Variants in SPMIP1 observed in about 807,000 individuals in gnomAD.
SPMIP1 encodes the protein protein SPMIP1.
chr7:128,870,540 T>A, the SPMIP1 span: 1 of 152,178 alleles, frequency 6.6e-6, no homozygotes, highest in East Asian at 1.9e-4. Context: ...GACTCAGGGG[T>A]GTCCATCCTT....
At chr7:128,866,738 G>A in the SPMIP1 span, 41 of 1,535,914 alleles carry the variant, frequency 2.7e-5, no homozygotes, top group Non-Finnish European at 3.2e-5. Context: ...TTCCAGGGGC[G>A]GTACCGCTAC....
the SPMIP1 span, chr7:128,871,786 G>A: frequency 2.0e-5 from 3 of 152,172 alleles, no homozygotes; most frequent in East Asian, 5.8e-4. Flanking sequence ...AGACTCCTGG[G>A]CCTTTAGAAA....
At chr7:128,870,970 A>G in the SPMIP1 span, 50,716 of 151,994 alleles carry the variant, frequency 0.33, 11,048 homozygotes, top group African/African-American at 0.61. Context: ...GCACCCCAAA[A>G]CTCCTCCTGG....
the SPMIP1 span, chr7:128,866,606 C>G: frequency 6.5e-7 from 1 of 1,533,512 alleles, no homozygotes; most frequent in Non-Finnish European, 8.7e-7. Flanking sequence ...TCACCCCCAC[C>G]CGCCCCCAAG....
chr7:128,866,428 A>G, the SPMIP1 span: 1 of 1,529,964 alleles, frequency 6.5e-7, no homozygotes, highest in Admixed American at 2.0e-5. Context: ...GCAGCTCAAC[A>G]TAGACGCGTT....
chr7:128,867,983 G>A, the SPMIP1 span, among the ~76,000 whole-genome samples: 2 of 152,206 alleles, frequency 1.3e-5, no homozygotes, highest in African/African-American at 4.8e-5. Flanking sequence ...TTGGCAGGAA[G>A]CCTGTCCATC....
chr7:128,870,888 C>T, the SPMIP1 span: 15,436 of 152,390 alleles, frequency 0.1, 1,417 homozygotes, highest in East Asian at 0.32. Flanking sequence ...CAGCCTCCTC[C>T]CAGGCAGACC....
the SPMIP1 span, chr7:128,868,667 C>T: frequency 1.0e-5 from 16 of 1,529,024 alleles, no homozygotes; most frequent in African/African-American, 4.1e-5. Context: ...TTTTCCCAGG[C>T]CCCCCAGTGA....
chr7:128,871,584 G>A, the SPMIP1 span: 1 of 152,312 alleles, frequency 6.6e-6, no homozygotes, highest in African/African-American at 2.4e-5. Flanking sequence ...AGCTGTGGAG[G>A]AAGGAGAGCT....
chr7:128,868,111 G>C, the SPMIP1 span, among the ~76,000 whole-genome samples: 1 of 152,236 alleles, frequency 6.6e-6, no homozygotes, highest in Non-Finnish European at 1.5e-5. Context: ...CATGTGCCAG[G>C]CAGGGCTGCT....
the SPMIP1 span, chr7:128,866,780 C>T: frequency 5.4e-4 from 829 of 1,536,012 alleles, 6 homozygotes; most frequent in East Asian, 0.014. Flanking sequence ...ATGCCAGAGA[C>T]GCGATACCTC....
the SPMIP1 span, chr7:128,870,534 CAG>C: frequency 3.9e-5 from 6 of 152,292 alleles, no homozygotes; most frequent in Admixed American, 3.3e-4. Flanking sequence ...CTCTCAGACT[CAG>C]GGGTGTCCAT....
chr7:128,867,120 A>G, the SPMIP1 span, among the ~76,000 whole-genome samples: 1 of 152,216 alleles, frequency 6.6e-6, no homozygotes, highest in Non-Finnish European at 1.5e-5. Context: ...GGAGGGTTCT[A>G]AGCAGATTTC....
chr7:128,868,666 G>A, the SPMIP1 span: 1 of 1,531,632 alleles, frequency 6.5e-7, no homozygotes, highest in South Asian at 1.2e-5. Context: ...CTTTTCCCAG[G>A]CCCCCCAGTG....
chr7:128,868,083 G>A, the SPMIP1 span, among the ~76,000 whole-genome samples: 1 of 152,222 alleles, frequency 6.6e-6, no homozygotes, highest in African/African-American at 2.4e-5. Flanking sequence ...GAGATGAAGA[G>A]GAAAGGTGTG....
At chr7:128,868,997 T>C in the SPMIP1 span, 9 of 459,070 alleles carry the variant, frequency 2.0e-5, no homozygotes, top group Non-Finnish European at 2.7e-5. Context: ...CAGAGGGTGC[T>C]GGGAAGGGCG....
chr7:128,871,534 G>GA, the SPMIP1 span: 1 of 152,148 alleles, frequency 6.6e-6, no homozygotes, highest in Non-Finnish European at 1.5e-5. Flanking sequence ...ATTAACAAAA[G>GA]AAATCTAAAA....
chr7:128,871,813 C>T, the SPMIP1 span: 2 of 152,170 alleles, frequency 1.3e-5, no homozygotes, highest in Non-Finnish European at 2.9e-5. Flanking sequence ...CCACAAACTG[C>T]AAAAACAATC....
At chr7:128,869,815 G>C in the SPMIP1 span, 1 of 152,392 alleles carries the variant, frequency 6.6e-6, no homozygotes, top group Admixed American at 6.5e-5. Context: ...ACCCGACCCC[G>C]GAGGGCACCC....
Sources: allele counts gnomAD v4.1 joint callset (sites outside exome capture counted in the v4.1 genomes callset), GRCh38; gene constraint gnomAD v4.1.1; transcripts MANE v1.5; gene names NCBI Gene and HGNC (gene_info 2026-07-23, HGNC 2026-07-21).